Variants in CACNA2D3 observed in about 807,000 individuals in gnomAD.
The protein encoded by CACNA2D3 is voltage-dependent calcium channel subunit alpha-2/delta-3.
Under a neutral mutation model 160.6 loss-of-function variants are expected in CACNA2D3, and 60 were observed. The ratio of observed to expected loss-of-function variants is 0.37; its 90% CI spans 0.30 to 0.46. The LOEUF (loss-of-function observed/expected upper bound fraction) is 0.46. Among genes scored for constraint, CACNA2D3 ranks in the 20% least tolerant of loss-of-function variants. The pLI is 1.00. For synonymous variants in CACNA2D3, 558 were observed against 492.9 expected, an observed-to-expected ratio of 1.13 and a Z score of -1.75; for missense variants, 1,205 against 1,365.0, an observed-to-expected ratio of 0.88 and a Z score of 1.85.
intron 35 of CACNA2D3, among the ~76,000 whole-genome samples, chr3:55,063,491 A>G (rs1380295740): frequency 1.3e-5 from 2 of 152,150 alleles, no homozygotes; most frequent in African/African-American, 4.8e-5. Context: ...ATGAAACAAA[A>G]CAAAATGCTC....
At chr3:54,411,977 C>T (rs1029469430) in intron 4 of CACNA2D3, among the ~76,000 whole-genome samples, 5 of 152,126 alleles carry the variant, frequency 3.3e-5, no homozygotes, top group African/African-American at 1.2e-4. Context: ...AAGGAGAGTT[C>T]CTTTCTGCCC....
chr3:54,370,848 A>C (rs575289697), intron 3 of CACNA2D3, among the ~76,000 whole-genome samples: 3 of 151,882 alleles, frequency 2.0e-5, no homozygotes, highest in Non-Finnish European at 2.9e-5. Flanking sequence ...AAAAAAAAAA[A>C]AAAAACAGTA....
At chr3:54,717,201 A>G (rs779392400) in intron 11 of CACNA2D3, among the ~76,000 whole-genome samples, 3 of 152,060 alleles carry the variant, frequency 2.0e-5, no homozygotes, top group Non-Finnish European at 2.9e-5. Flanking sequence ...TCTGGTATGG[A>G]CATATCATTA....
At chr3:54,771,027 A>G (rs1467965289) in intron 13 of CACNA2D3, among the ~76,000 whole-genome samples, 2 of 152,136 alleles carry the variant, frequency 1.3e-5, no homozygotes, top group African/African-American at 2.4e-5. Context: ...TCTATAGGGT[A>G]ATTTTCCTTG....
intron 31 of CACNA2D3, 86 bp from the exon 32 acceptor site, chr3:55,004,677 G>T: frequency 1.2e-6 from 1 of 849,930 alleles, no homozygotes; most frequent in Non-Finnish European, 2.0e-6. Flanking sequence ...CTTGATGATA[G>T]TGACTGCTCA....
chr3:54,493,468 G>T (rs1344047033), intron 4 of CACNA2D3, among the ~76,000 whole-genome samples: 1 of 152,094 alleles, frequency 6.6e-6, no homozygotes, highest in Non-Finnish European at 1.5e-5. Flanking sequence ...CCAGTATTCA[G>T]GACCTTCTCT....
rs150630819 is a variant in CACNA2D3 at position 54,990,528 on chromosome 3, C to G, written c.2690+2775C>G. 1.9e-3 allele frequency among the ~76,000 whole-genome samples: 296 copies of G among 152,100 alleles called. 1 individual carries two copies. Among genetic ancestry groups the G allele is most frequent in the African/African-American group, 6.9e-3 (285 of 41,506 alleles). On this transcript the variant is annotated intron_variant, in intron 31 of 37. Transcript: ENST00000474759. The stretch of plus-strand genomic sequence containing the variant: ...CCTGGGTGACAGAGCGAGACTCCAT[C>G]TCAAACAAAAAAAAGAAAGAAAGAA...
intron 4 of CACNA2D3, among the ~76,000 whole-genome samples, chr3:54,464,654 C>T (rs1055160326): frequency 1.3e-5 from 2 of 152,222 alleles, no homozygotes; most frequent in South Asian, 4.1e-4. Flanking sequence ...TGGGAGTGAC[C>T]CAATTTTCCA....
At chr3:54,524,447 C>T (rs776425378) in intron 5 of CACNA2D3, among the ~76,000 whole-genome samples, 2 of 151,984 alleles carry the variant, frequency 1.3e-5, no homozygotes, top group Non-Finnish European at 2.9e-5. Context: ...GAATGTCCCA[C>T]GTGCACGTGA....
chr3:54,978,466 G>C (rs1335979795), intron 29 of CACNA2D3, among the ~76,000 whole-genome samples: 4 of 152,222 alleles, frequency 2.6e-5, no homozygotes, highest in African/African-American at 9.6e-5. Context: ...GGTATGGCAA[G>C]GGCCGTTCAT....
At chr3:54,411,927 G>C (rs1200525469) in intron 4 of CACNA2D3, among the ~76,000 whole-genome samples, 1 of 152,186 alleles carries the variant, frequency 6.6e-6, no homozygotes, top group African/African-American at 2.4e-5. Context: ...TTTGCATACA[G>C]TACAATGTGT....
At chr3:54,568,054 C>T (rs910390318) in intron 6 of CACNA2D3, among the ~76,000 whole-genome samples, 2 of 152,184 alleles carry the variant, frequency 1.3e-5, no homozygotes, top group African/African-American at 4.8e-5. Flanking sequence ...ACCTCATTGC[C>T]ACACAGAATT....
intron 2 of CACNA2D3, among the ~76,000 whole-genome samples, chr3:54,147,559 A>G (rs1700055291): frequency 6.6e-6 from 1 of 152,374 alleles, no homozygotes; most frequent in Admixed American, 6.5e-5. Flanking sequence ...GGCCTGGGCC[A>G]GAGCCTGACT....
chr3:54,910,303 A>T (rs1700528472), intron 27 of CACNA2D3, among the ~76,000 whole-genome samples: 1 of 152,176 alleles, frequency 6.6e-6, no homozygotes, highest in Admixed American at 6.5e-5. Context: ...TTAAGTCAAA[A>T]GTATTCTGTT....
chr3:54,526,812 TC>T (rs1256814226), intron 5 of CACNA2D3, among the ~76,000 whole-genome samples: 1 of 152,198 alleles, frequency 6.6e-6, no homozygotes, highest in East Asian at 1.9e-4. Flanking sequence ...TGCATCAGCC[TC>T]CCAAGTAGCT....
chr3:54,728,120 G>C (rs1490859977), intron 11 of CACNA2D3, among the ~76,000 whole-genome samples: 1 of 152,072 alleles, frequency 6.6e-6, no homozygotes, highest in African/African-American at 2.4e-5. Context: ...TCTATGGCCG[G>C]AAGTTTGTCA....
chr3:54,224,263 A>G (rs946718610), intron 2 of CACNA2D3, among the ~76,000 whole-genome samples: 3 of 146,764 alleles, frequency 2.0e-5, no homozygotes, highest in African/African-American at 5.0e-5. Flanking sequence ...GTGCCTGAAG[A>G]TGTTTTCCAT....
chr3:54,881,173 A>G (rs1298049641), intron 21 of CACNA2D3, among the ~76,000 whole-genome samples: 1 of 152,190 alleles, frequency 6.6e-6, no homozygotes, highest in Non-Finnish European at 1.5e-5. Context: ...GCAGAGTATC[A>G]GTAAATAGGA....
chr3:54,862,199 A>G (rs910489009), intron 17 of CACNA2D3, among the ~76,000 whole-genome samples: 1 of 152,166 alleles, frequency 6.6e-6, no homozygotes, highest in Non-Finnish European at 1.5e-5. Flanking sequence ...GGGCCACCCC[A>G]TTTGAGAAAG....
Sources: allele counts gnomAD v4.1 joint callset (sites outside exome capture counted in the v4.1 genomes callset), GRCh38; gene constraint gnomAD v4.1.1; transcripts MANE v1.5; gene names NCBI Gene and HGNC (gene_info 2026-07-23, HGNC 2026-07-21).